Variants in GDAP1 observed in about 807,000 individuals in gnomAD.
The protein encoded by GDAP1 is ganglioside-induced differentiation-associated protein 1.
A neutral mutation model predicts 40.1 loss-of-function variants in GDAP1; 34 were observed. That is an observed-to-expected ratio of 0.85 (90% confidence interval 0.64 to 1.13). GDAP1 has a LOEUF of 1.13. Ranked by LOEUF, GDAP1 falls within the 50% of genes most tolerant of loss-of-function variation. The probability of loss-of-function intolerance (pLI) is 0.00; values close to 1 mark genes in which losing one functional copy is unlikely to be tolerated. For missense variants in GDAP1, 374 were observed against 433.7 expected (o/e 0.86, Z 1.22); for synonymous variants, 170 against 157.4 (o/e 1.08, Z -0.60).
chr8:74,450,636 ATT>A (rs1586839072), intron 2 of GDAP1, among the ~76,000 whole-genome samples: 4 of 87,198 alleles, frequency 4.6e-5, no homozygotes, highest in African/African-American at 4.9e-5. Context: ...TGCCTGGAAT[ATT>A]CTTTCCATCT....
At chr8:74,370,470 CTAAA>C (rs1048842141), downstream of GDAP1, among the ~76,000 whole-genome samples, 1 of 151,998 alleles carries the variant, frequency 6.6e-6, no homozygotes, top group African/African-American at 2.4e-5. Context: ...AATTTTGACA[CTAAA>C]TAAACTCTGA....
At chr8:74,357,420 T>C (rs1254153285) in intron 2 of GDAP1, among the ~76,000 whole-genome samples, 1 of 152,226 alleles carries the variant, frequency 6.6e-6, no homozygotes, top group African/African-American at 2.4e-5. Flanking sequence ...GTTATTTTAC[T>C]CAGCATTACA....
chr8:74,407,533 C>T lies in GDAP1; in HGVS notation c.165+56212C>T, dbSNP rs546117167. 1.4e-3 allele frequency among the ~76,000 whole-genome samples: 211 copies of T among 149,794 alleles called. 5 individuals are homozygous for T. The highest frequency in any genetic ancestry group is 2.4e-3 in the Non-Finnish European group (165 of 68,014). ...CTTCCTGCCCTTGAACATCAGACTC[C>T]AAGTTTTGGGACTCAGACTGAGTCA... On this transcript the variant is annotated intron_variant, in intron 2 of 2. Transcript: ENST00000523640.
chr8:74,482,119 T>G (rs199512899), intron 2 of GDAP1, among the ~76,000 whole-genome samples: 429 of 70,682 alleles, frequency 6.1e-3, no homozygotes, highest in Non-Finnish European at 0.01. Flanking sequence ...GGTTTTTTTT[T>G]GGGGGGGGGG....
intron 2 of GDAP1, among the ~76,000 whole-genome samples, chr8:74,487,530 G>A (rs1806791204): frequency 6.6e-6 from 1 of 152,096 alleles, no homozygotes. Context: ...ATTGAGAAAA[G>A]CGGGAAATAT....
intron 2 of GDAP1, among the ~76,000 whole-genome samples, chr8:74,398,476 C>T: frequency 6.6e-6 from 1 of 152,174 alleles, no homozygotes; most frequent in Non-Finnish European, 1.5e-5. Flanking sequence ...TCTAGATATA[C>T]AATCATGTCA....
At chr8:74,485,398 T>A (rs1035322847) in intron 2 of GDAP1, among the ~76,000 whole-genome samples, 3 of 152,202 alleles carry the variant, frequency 2.0e-5, no homozygotes, top group Non-Finnish European at 4.4e-5. Context: ...CTTGATTATG[T>A]CTGATATCTA....
At chr8:74,367,853 TG>T (rs1316121659), downstream of GDAP1, among the ~76,000 whole-genome samples, 1 of 152,222 alleles carries the variant, frequency 6.6e-6, no homozygotes, top group African/African-American at 2.4e-5. Flanking sequence ...TATCCTTTAT[TG>T]CTTGCACCTA....
chr8:74,432,027 A>G (rs1337179586), intron 2 of GDAP1, among the ~76,000 whole-genome samples: 1 of 152,218 alleles, frequency 6.6e-6, no homozygotes, highest in Non-Finnish European at 1.5e-5. Context: ...AAGCAACAAT[A>G]AATTTTAGTC....
chr8:74,442,698 A>G (rs1381888181), intron 2 of GDAP1, among the ~76,000 whole-genome samples: 1 of 152,206 alleles, frequency 6.6e-6, no homozygotes, highest in Admixed American at 6.5e-5. Flanking sequence ...GGAAAAGAAC[A>G]GCTGTCAGCA....
In GDAP1 at chr8:74,401,626, G is replaced by T. The variant is rs553242520; in HGVS notation, c.165+50305G>T. Among the ~76,000 whole-genome samples, 255 of 149,816 alleles carry T rather than the reference G, an allele frequency of 1.7e-3. 3 individuals carry two copies. The highest frequency in any genetic ancestry group is 0.017 in the Middle Eastern group (5 of 294). On this transcript the variant is annotated intron_variant, in intron 2 of 2. Transcript: ENST00000523640. ...TGCGTTCCTTTGGAGGAGGAGAGGC[G>T]CTCTGCTTTTTAGAGTTTCCAGTTT... is the stretch of plus-strand genomic sequence containing the variant.
At chr8:74,429,167 A>T (rs918682877) in intron 2 of GDAP1, among the ~76,000 whole-genome samples, 15 of 152,170 alleles carry the variant, frequency 9.9e-5, no homozygotes, top group African/African-American at 3.6e-4. Context: ...TAGTGCTGCA[A>T]TAAGCATACA....
At chr8:74,474,962 T>C (rs1180106687) in intron 2 of GDAP1, among the ~76,000 whole-genome samples, 1 of 152,030 alleles carries the variant, frequency 6.6e-6, no homozygotes, top group Non-Finnish European at 1.5e-5. Flanking sequence ...GATTCAATTT[T>C]GGCGCTCATT....
At chr8:74,419,321 A>G (rs892509280) in intron 2 of GDAP1, among the ~76,000 whole-genome samples, 1 of 152,236 alleles carries the variant, frequency 6.6e-6, no homozygotes, top group Non-Finnish European at 1.5e-5. Flanking sequence ...GTATTCATAT[A>G]ATGTAATAGT....
At position 74,453,282 on chromosome 8, in the gene GDAP1, T is replaced by C. The variant is rs1395435943; in HGVS notation, c.166-35396T>C. On this transcript the variant is annotated intron_variant, in intron 2 of 2. Coordinates refer to the GDAP1 transcript ENST00000523640. ...CTATTGGATATTTTATTGGGAAATC[T>C]TAAAAAAGAATATTTTTAAATAGAA... Among the ~76,000 whole-genome samples, 16 of 84,576 alleles carry C rather than the reference T, an allele frequency of 1.9e-4. 7 individuals are homozygous for C. The highest frequency in any genetic ancestry group is 8.2e-4 in the African/African-American group (16 of 19,508). The allele number at this position is 84,576 out of a possible 152,430, so 55.5% of individuals were successfully genotyped here. A position where few individuals can be genotyped will look rare whatever the true frequency, so the allele number is the denominator to read the frequency against.
At chr8:74,399,063 T>A (rs1563457977) in intron 2 of GDAP1, among the ~76,000 whole-genome samples, 1 of 152,104 alleles carries the variant, frequency 6.6e-6, no homozygotes, top group Non-Finnish European at 1.5e-5. Context: ...ACTGGCCTCA[T>A]AAAATGAGTT....
chr8:74,382,305 A>G (rs948343707), intron 2 of GDAP1, among the ~76,000 whole-genome samples: 1 of 150,516 alleles, frequency 6.6e-6, no homozygotes, highest in African/African-American at 2.4e-5. Flanking sequence ...CAGACTTGGA[A>G]TCAGCTATTT....
Position 74,350,488 on chromosome 8 carries a change from A to G in GDAP1, c.27A>G (p.Arg9=), listed in dbSNP as rs1242475638. Residue 9 remains arginine, a synonymous_variant, in exon 1 of 6, where the codon AGA becomes AGG. Transcript: ENST00000220822. ...TGGCTGAGAGGCAGGAAGAGCAGAG[A>G]GGGAGCCCGCCCTTGAGGGCGGAAG... MAERQEEQ[R]GSPPLRAEGK... The G allele has an allele frequency of 6.2e-7, 1 of 1,612,784 alleles. No individual in the cohort carries two copies. Among genetic ancestry groups the G allele is most frequent in the Non-Finnish European group, 8.5e-7 (1 of 1,179,040 alleles).
Position 74,422,330 on chromosome 8 carries a change from TTTC to T in GDAP1, c.166-66345_166-66343del, listed in dbSNP as rs1563465367. Reference sequence around the variant, plus strand: ...CTTTCTTTCTTTCTTTCTTTCTTTCTTTCTTTCTTTCTTTCTTTCTTCCCTTCC... The same window carrying T: ...CTTTCTTTCTTTCTTTCTTTCTTTCTTTTCTTTCTTTCTTTCTTCCCTTCC... On this transcript the variant is annotated intron_variant, in intron 2 of 2. Transcript: ENST00000523640. Among the ~76,000 whole-genome samples, 19 of 63,218 alleles carry T rather than the reference TTTC, an allele frequency of 3.0e-4. 2 individuals carry two copies. Among genetic ancestry groups the T allele is most frequent in the African/African-American group, 1.7e-3 (19 of 11,320 alleles). The allele number at this position is 63,218 out of a possible 152,430, so 41.5% of individuals were successfully genotyped here. A position where few individuals can be genotyped will look rare whatever the true frequency, so the allele number is the denominator to read the frequency against.
Sources: allele counts gnomAD v4.1 joint callset (sites outside exome capture counted in the v4.1 genomes callset), GRCh38; gene constraint gnomAD v4.1.1; transcripts MANE v1.5; gene names NCBI Gene and HGNC (gene_info 2026-07-23, HGNC 2026-07-21).